The following TYW1B variants were observed in gnomAD, a reference collection of about 807,000 sequenced individuals.
TYW1B encodes S-adenosyl-L-methionine-dependent tRNA 4-demethylwyosine synthase TYW1B.
A neutral mutation model predicts 86.9 loss-of-function variants in TYW1B; 73 were observed. The observed-to-expected ratio is 0.84, with a 90% CI of 0.70 to 1.02. The LOEUF (loss-of-function observed/expected upper bound fraction) is 1.02, where lower values mean the gene tolerates loss of function less well. TYW1B is among the 50% of genes least tolerant of loss of function. TYW1B has a pLI of 0.00. For synonymous variants in TYW1B, 248 were observed against 292.8 expected (o/e 0.85, Z 1.56); for missense variants, 637 against 827.4 (o/e 0.77, Z 2.82).
chr7:72,701,265 C>T (rs563717259), intron 10 of TYW1B, among the ~76,000 whole-genome samples: 1 of 151,968 alleles, frequency 6.6e-6, no homozygotes, highest in Non-Finnish European at 1.5e-5. Context: ...TAGACATTTT[C>T]TTTTTATTTA....
At chr7:72,770,953 CTTTTTTTT>C (rs202136569) in intron 7 of TYW1B, among the ~76,000 whole-genome samples, 11 of 87,478 alleles carry the variant, frequency 1.3e-4, no homozygotes, top group South Asian at 7.6e-4. Flanking sequence ...TATGAATTTC[CTTTTTTTT>C]TTTTTTTTTT....
chr7:72,639,311 G>A (rs1554441206), intron 11 of TYW1B, among the ~76,000 whole-genome samples: 2 of 151,688 alleles, frequency 1.3e-5, no homozygotes, highest in Non-Finnish European at 2.9e-5. Context: ...GGAGTGCACT[G>A]GTGCATCACC....
chr7:72,747,125 C>CA (rs1405788339), intron 7 of TYW1B, among the ~76,000 whole-genome samples: 1 of 152,092 alleles, frequency 6.6e-6, no homozygotes, highest in East Asian at 1.9e-4. Context: ...GCTGTGTCCC[C>CA]ACTCAAATCT....
chr7:72,599,681 T>C (rs1231307702), intron 13 of TYW1B, among the ~76,000 whole-genome samples: 39 of 152,176 alleles, frequency 2.6e-4, no homozygotes, highest in African/African-American at 8.4e-4. Context: ...CAGGTGATTA[T>C]AGCAAGGTTG....
chr7:72,713,300 C>CAAAAAAAAA (rs71069102), intron 10 of TYW1B, among the ~76,000 whole-genome samples: 1 of 55,838 alleles, frequency 1.8e-5, no homozygotes. Flanking sequence ...GACTCCAACT[C>CAAAAAAAAA]AAAAAAAAAA....
In TYW1B at chr7:72,807,313, T is replaced by C. The variant is rs370126013; in HGVS notation, c.476A>G (p.His159Arg). 6 of 1,614,078 alleles carry C rather than the reference T, an allele frequency of 3.7e-6. No homozygotes were observed. In the African/African-American group the frequency reaches 5.3e-5, roughly 14 times the overall value. The change falls in exon 5 of 14, where the codon CAT becomes CGT. Residue 159 changes from histidine (H) to arginine (R), a missense_variant. Physicochemically the swap from His to Arg is conservative, Grantham distance 29. Coordinates refer to ENST00000620995, the MANE Select transcript of TYW1B (RefSeq NM_001145440.3). ...VDKWLWMLGV[H>R]RVMSRGEGDC... ...GCCCTCCCCTCGACTCATCACACGA[T>C]GCACGCCAAGCATCCAGAGCCACTT...
At chr7:72,687,763 A>T (rs1554449653) in intron 11 of TYW1B, among the ~76,000 whole-genome samples, 2 of 151,960 alleles carry the variant, frequency 1.3e-5, no homozygotes, top group Non-Finnish European at 2.9e-5. Flanking sequence ...CTATATAAAA[A>T]TATAGTTGAA....
intron 7 of TYW1B, among the ~76,000 whole-genome samples, chr7:72,751,435 G>A (rs1394673062): frequency 3.3e-5 from 5 of 152,154 alleles, no homozygotes; most frequent in African/African-American, 1.2e-4. Context: ...CTTGACTACT[G>A]AGCCAATCAA....
chr7:72,679,211 G>A (rs1325043003), intron 11 of TYW1B, among the ~76,000 whole-genome samples: 2 of 152,156 alleles, frequency 1.3e-5, no homozygotes, highest in Non-Finnish European at 2.9e-5. Context: ...GACAGGCTAC[G>A]GCGACAAAAA....
In TYW1B at chr7:72,746,437, C is replaced by T. The variant is rs1248331758; in HGVS notation, c.965-1836G>A. ...TCACAGAGTAATTTCCACAAAATCT[C>T]ATGCCACTAGAGAAACAAAGTTGAA... On this transcript the variant is annotated intron_variant, in intron 7 of 13. Coordinates refer to ENST00000620995, the MANE Select transcript of TYW1B (RefSeq NM_001145440.3). Among the ~76,000 whole-genome samples, 15 of 152,290 alleles carry T rather than the reference C, an allele frequency of 9.8e-5. 1 individual carries two copies. In the South Asian group the frequency reaches 2.1e-3, roughly 21 times the overall value.
chr7:72,806,749 C>G (rs1453583010), intron 5 of TYW1B, among the ~76,000 whole-genome samples: 1 of 151,958 alleles, frequency 6.6e-6, no homozygotes, highest in East Asian at 1.9e-4. Context: ...TTCCTGGGCT[C>G]AAGCAATCCT....
At chr7:72,744,031 T>G (rs1787351837) in intron 8 of TYW1B, among the ~76,000 whole-genome samples, 1 of 112,302 alleles carries the variant, frequency 8.9e-6, no homozygotes, top group Non-Finnish European at 2.0e-5. Flanking sequence ...CATTCACTGC[T>G]TGTATTTCCA....
In TYW1B at chr7:72,826,380, T is replaced by G. The variant is rs142268244; in HGVS notation, c.135+475A>C. On this transcript the variant is annotated intron_variant, in intron 2 of 13. Coordinates refer to ENST00000620995, the MANE Select transcript of TYW1B (RefSeq NM_001145440.3). ...TTTTTCTCTTAAATCTTTCTGGTTGTATTCCTCAAATATTAGCCCCTTGGT... is the reference window on the plus strand; with the variant it reads ...TTTTTCTCTTAAATCTTTCTGGTTGGATTCCTCAAATATTAGCCCCTTGGT... 6.6e-3 allele frequency among the ~76,000 whole-genome samples: 1,008 copies of G among 152,336 alleles called. 15 individuals are homozygous for G. The highest frequency in any genetic ancestry group is 0.021 in the African/African-American group (870 of 41,572).
chr7:72,684,807 G>A (rs782515443), intron 11 of TYW1B, among the ~76,000 whole-genome samples: 1 of 152,040 alleles, frequency 6.6e-6, no homozygotes, highest in African/African-American at 2.4e-5. Context: ...GAAGAATCAG[G>A]ATTATTTTGT....
At chr7:72,713,843 A>G (rs1786726160) in intron 9 of TYW1B, 45 bp from the exon 10 acceptor site, 1 of 1,504,128 alleles carries the variant, frequency 6.6e-7, no homozygotes, top group Non-Finnish European at 8.9e-7. Context: ...AGGCACAGAT[A>G]GAGGATGTCA....
At chr7:72,590,759 T>C (rs1182970329) in intron 13 of TYW1B, among the ~76,000 whole-genome samples, 2 of 152,042 alleles carry the variant, frequency 1.3e-5, no homozygotes, top group African/African-American at 4.8e-5. Flanking sequence ...AGGATACAAA[T>C]GTCCAGTTTT....
chr7:72,755,052 C>A (rs782422945), intron 7 of TYW1B, among the ~76,000 whole-genome samples: 2 of 151,940 alleles, frequency 1.3e-5, no homozygotes, highest in Non-Finnish European at 2.9e-5. Flanking sequence ...TTGGGATATG[C>A]AAAGTATTAA....
intron 7 of TYW1B, among the ~76,000 whole-genome samples, chr7:72,764,492 G>C (rs183511551): frequency 6.6e-6 from 1 of 152,012 alleles, no homozygotes; most frequent in Non-Finnish European, 1.5e-5. Context: ...CATATTGGCC[G>C]GGCTGGTCTC....
intron 13 of TYW1B, among the ~76,000 whole-genome samples, chr7:72,603,965 G>C (rs1250238580): frequency 2.0e-5 from 3 of 151,948 alleles, no homozygotes; most frequent in Non-Finnish European, 2.9e-5. Flanking sequence ...AAGGACATTA[G>C]GTAAAACCTA....
Sources: gnomAD v4.1 joint callset for allele counts (sites outside exome capture counted in the v4.1 genomes callset) on GRCh38, gnomAD v4.1.1 for gene constraint, MANE v1.5 for transcripts, NCBI Gene and HGNC (gene_info 2026-07-23, HGNC 2026-07-21) for gene names.